Variants in KATNAL1 observed in about 807,000 individuals in gnomAD.
KATNAL1 encodes katanin p60 ATPase-containing subunit A-like 1.
A neutral mutation model predicts 55.2 loss-of-function variants in KATNAL1; 32 were observed. The observed-to-expected ratio is 0.58, with a 90% CI of 0.44 to 0.78. The LOEUF (loss-of-function observed/expected upper bound fraction) is 0.78. Ranked by LOEUF, KATNAL1 falls within the 30% of genes least tolerant of loss-of-function variation. The probability of loss-of-function intolerance (pLI) is 0.00; values close to 1 mark genes in which losing one functional copy is unlikely to be tolerated. For missense variants in KATNAL1, 466 were observed against 600.9 expected (o/e 0.78, Z 2.35); for synonymous variants, 193 against 193.6 (o/e 1.00, Z 0.02).
At chr13:30,279,208 T>C (rs1881087035) in intron 3 of KATNAL1, among the ~76,000 whole-genome samples, 1 of 152,214 alleles carries the variant, frequency 6.6e-6, no homozygotes, top group African/African-American at 2.4e-5. Flanking sequence ...GTGAAACTAA[T>C]GGTGTTAACT....
At chr13:30,220,093 TTA>T (rs1874694291) in intron 9 of KATNAL1, among the ~76,000 whole-genome samples, 1 of 152,262 alleles carries the variant, frequency 6.6e-6, no homozygotes, top group African/African-American at 2.4e-5. Flanking sequence ...CAATTTTTAT[TTA>T]TAATCACTGT....
intron 3 of KATNAL1, among the ~76,000 whole-genome samples, chr13:30,270,674 G>A (rs1198049193): frequency 2.6e-5 from 4 of 151,666 alleles, no homozygotes; most frequent in South Asian, 2.1e-4. Flanking sequence ...GATTAAGGGC[G>A]GTGCAAGATG....
chr13:30,254,551 A>C (rs1053583588), intron 4 of KATNAL1, among the ~76,000 whole-genome samples: 1 of 152,188 alleles, frequency 6.6e-6, no homozygotes, highest in Non-Finnish European at 1.5e-5. Flanking sequence ...GTTGGTCTGG[A>C]GTCCTTACCT....
chr13:30,221,499 G>T lies in KATNAL1; in HGVS notation c.1147+5913C>A, dbSNP rs375193723. Among the ~76,000 whole-genome samples, 213 of 152,074 alleles carry T rather than the reference G, an allele frequency of 1.4e-3. 2 individuals carry two copies. Among genetic ancestry groups the T allele is most frequent in the African/African-American group, 4.8e-3 (197 of 41,470 alleles). On this transcript the variant is annotated intron_variant, in intron 9 of 10. Transcript: ENST00000380615. ...AGAAAAATATGGCCCACACTGAAGA[G>T]AATTAAAAAGTAGCTAACAAAAACA... is the stretch of plus-strand genomic sequence containing the variant.
chr13:30,298,061 T>C, intron 1 of KATNAL1, among the ~76,000 whole-genome samples: 1 of 152,206 alleles, frequency 6.6e-6, no homozygotes, highest in East Asian at 1.9e-4. Flanking sequence ...GACATGTACA[T>C]TTTTTAGACG....
rs941386196 is a variant in KATNAL1 at position 30,207,938 on chromosome 13, C to G, written c.*602G>C. The G allele has an allele frequency of 2.6e-5, 4 of 152,118 alleles. No individual in the cohort carries two copies. Among genetic ancestry groups the G allele is most frequent in the African/African-American group, 9.7e-5 (4 of 41,402 alleles). The allele number at this position is 152,118 out of a possible 1,614,324, so 9.4% of individuals were successfully genotyped here. Reference sequence around the variant, plus strand: ...AAATACCACAGAGCGTGAGAATATTCCTCAGTAAAGCTCAAGATATTATGA... The same window carrying G: ...AAATACCACAGAGCGTGAGAATATTGCTCAGTAAAGCTCAAGATATTATGA... On this transcript the variant is annotated 3_prime_UTR_variant, in exon 11 of 11. Coordinates refer to ENST00000380615, the MANE Select transcript of KATNAL1 (RefSeq NM_032116.5).
At chr13:30,223,931 C>T (rs1271543819) in intron 9 of KATNAL1, among the ~76,000 whole-genome samples, 1 of 152,180 alleles carries the variant, frequency 6.6e-6, no homozygotes, top group Non-Finnish European at 1.5e-5. Context: ...GCATCTGGAG[C>T]ATTCACCAAG....
rs57103799 is a variant in KATNAL1 at position 30,282,034 on chromosome 13, T to TAA, written c.162+1580_162+1581dup. Reference sequence around the variant, plus strand: ...ATATATTGCTTATAAGTATTATTTGTAAAAAAAAAAAAAATTCTTTTTTAA... The same window carrying TAA: ...ATATATTGCTTATAAGTATTATTTGTAAAAAAAAAAAAAAAATTCTTTTTTAA... On this transcript the variant is annotated intron_variant, in intron 2 of 10. Transcript: ENST00000380615. 1.9e-3 allele frequency among the ~76,000 whole-genome samples: 290 copies of TAA among 149,260 alleles called. 1 individual carries two copies. The highest frequency in any genetic ancestry group is 6.1e-3 in the African/African-American group (253 of 41,250).
At chr13:30,234,204 C>CA (rs1876419489) in intron 6 of KATNAL1, among the ~76,000 whole-genome samples, 2 of 152,154 alleles carry the variant, frequency 1.3e-5, no homozygotes, top group African/African-American at 2.4e-5. Context: ...TTCAAAAACA[C>CA]AAAAAATGTT....
chr13:30,228,764 T>C (rs1025074537), intron 8 of KATNAL1, among the ~76,000 whole-genome samples: 1 of 152,190 alleles, frequency 6.6e-6, no homozygotes, highest in African/African-American at 2.4e-5. Context: ...GTTGTTGTTG[T>C]TGTTATGAGA....
At chr13:30,280,419 T>C (rs531373713) in intron 2 of KATNAL1, among the ~76,000 whole-genome samples, 196 bp from the exon 3 acceptor site, 87 of 152,274 alleles carry the variant, frequency 5.7e-4, no homozygotes, top group African/African-American at 1.9e-3. Context: ...AAAATCATAA[T>C]TCTATACCTT....
chr13:30,246,576 A>C (rs1566104796), intron 4 of KATNAL1, among the ~76,000 whole-genome samples: 1 of 152,360 alleles, frequency 6.6e-6, no homozygotes, highest in Non-Finnish European at 1.5e-5. Flanking sequence ...TCTGCACAGC[A>C]AAAGAAACTA....
intron 4 of KATNAL1, 140 bp downstream of exon 4, chr13:30,255,307 A>G (rs1878679981): frequency 5.1e-6 from 3 of 591,020 alleles, no homozygotes; most frequent in African/African-American, 1.9e-5. Context: ...AAATACAAAG[A>G]CTACTTAGGC....
intron 3 of KATNAL1, among the ~76,000 whole-genome samples, chr13:30,265,418 GA>G (rs66687023): frequency 0.58 from 87,293 of 149,712 alleles, 26,708 homozygotes; most frequent in East Asian, 0.71. Context: ...TAAAAAAAAA[GA>G]AAAAAAAGCA....
At chr13:30,296,087 G>A (rs1882469270) in intron 1 of KATNAL1, 1 of 293,806 alleles carries the variant, frequency 3.4e-6, no homozygotes, top group East Asian at 7.5e-5. Context: ...CACTGAGAAC[G>A]CGGGTCCACG....
At chr13:30,253,203 A>G (rs1462380733) in intron 4 of KATNAL1, among the ~76,000 whole-genome samples, 1 of 152,240 alleles carries the variant, frequency 6.6e-6, no homozygotes, top group East Asian at 1.9e-4. Flanking sequence ...TGAGTCAAAT[A>G]TACCTTTCAA....
intron 1 of KATNAL1, among the ~76,000 whole-genome samples, chr13:30,286,629 T>C (rs770420701): frequency 2.0e-5 from 3 of 152,206 alleles, no homozygotes; most frequent in Non-Finnish European, 4.4e-5. Flanking sequence ...AATGTGTGGC[T>C]GGAACTTCCA....
chr13:30,219,837 C>T (rs945889618), intron 9 of KATNAL1, among the ~76,000 whole-genome samples: 1 of 152,118 alleles, frequency 6.6e-6, no homozygotes. Context: ...GCCTCTTAGC[C>T]GTGTTTATTT....
At chr13:30,303,869 T>C (rs1883015965) in intron 1 of KATNAL1, among the ~76,000 whole-genome samples, 1 of 152,226 alleles carries the variant, frequency 6.6e-6, no homozygotes, top group Admixed American at 6.5e-5. Flanking sequence ...CACTTTGTAA[T>C]ATAACTACTA....
Sources: gnomAD v4.1 joint callset for allele counts (sites outside exome capture counted in the v4.1 genomes callset) on GRCh38, gnomAD v4.1.1 for gene constraint, MANE v1.5 for transcripts, NCBI Gene and HGNC (gene_info 2026-07-23, HGNC 2026-07-21) for gene names.